The following STX6 variants were observed in gnomAD, a reference collection of about 807,000 sequenced individuals.
The protein encoded by STX6 is syntaxin-6.
Under a neutral mutation model 38.0 loss-of-function variants are expected in STX6, and 23 were observed. The ratio of observed to expected loss-of-function variants is 0.60; its 90% CI spans 0.43 to 0.86. STX6 has a LOEUF of 0.86. STX6 is among the 40% of genes least tolerant of loss of function. The pLI is 0.00. For missense variants in STX6, 274 were observed against 312.9 expected, an observed-to-expected ratio of 0.88 and a Z score of 0.94; for synonymous variants, 123 against 107.5, an observed-to-expected ratio of 1.14 and a Z score of -0.89.
chr1:181,004,275 T>G (rs1405510729), intron 2 of STX6, among the ~76,000 whole-genome samples: 1 of 152,204 alleles, frequency 6.6e-6, no homozygotes, highest in African/African-American at 2.4e-5. Context: ...AGCTCCTTGA[T>G]CCCTTGGAAT....
intron 7 of STX6, among the ~76,000 whole-genome samples, chr1:180,980,028 G>A (rs112043410): frequency 1.3e-3 from 196 of 152,220 alleles, no homozygotes; most frequent in Admixed American, 4.3e-3. Flanking sequence ...CCAACATGGT[G>A]AAACCCTGTC....
chr1:180,993,552 C>G (rs1655816613), intron 3 of STX6, 127 bp from the exon 4 acceptor site: 1 of 502,922 alleles, frequency 2.0e-6, no homozygotes, highest in African/African-American at 2.0e-5. Flanking sequence ...CATTTCTTGG[C>G]TTTATTTTCA....
intron 1 of STX6, 49 bp from the exon 2 acceptor site, chr1:181,005,512 G>A: frequency 6.3e-7 from 1 of 1,575,670 alleles, no homozygotes; most frequent in East Asian, 2.3e-5. Flanking sequence ...AACATTCCAT[G>A]GTCAAGTTAC....
chr1:181,002,385 C>CACCT (rs1417134604), intron 3 of STX6, among the ~76,000 whole-genome samples: 1 of 151,920 alleles, frequency 6.6e-6, no homozygotes, highest in Non-Finnish European at 1.5e-5. Flanking sequence ...AACCCCTGGG[C>CACCT]TCAAGTGATC....
chr1:180,974,484 T>C lies in STX6; in HGVS notation c.*2086A>G, dbSNP rs1655197636. 1.3e-5 allele frequency: 2 copies of C among 152,686 alleles called. No individual in the cohort carries two copies. Among genetic ancestry groups the C allele is most frequent in the Non-Finnish European group, 2.9e-5 (2 of 68,054 alleles). 9.5% of individuals were successfully genotyped at this position (152,686 alleles called of 1,614,324 possible). ...CAGGAGTATCTTACTCATTAATGAC[T>C]AGGTTTGTTCCAAACGGCCCCTGCT... On this transcript the variant is annotated 3_prime_UTR_variant, in exon 8 of 8. Transcript: ENST00000258301.
At chr1:181,011,450 A>C (rs1281611396) in intron 1 of STX6, among the ~76,000 whole-genome samples, 1 of 152,236 alleles carries the variant, frequency 6.6e-6, no homozygotes, top group Non-Finnish European at 1.5e-5. Context: ...TCTTATTTGG[A>C]AGCCAACTAT....
rs34962747 is a variant in STX6 at position 181,018,388 on chromosome 1, C to CAA, written c.35+4249_35+4250dup. ...TGGGCGACAGAGTAAGACTCTGTCCCAAAAAAAAAAAAAAAAAAAAAAAAA... is the reference window on the plus strand; with the variant it reads ...TGGGCGACAGAGTAAGACTCTGTCCCAAAAAAAAAAAAAAAAAAAAAAAAAAA... On this transcript the variant is annotated intron_variant, in intron 1 of 7. Coordinates refer to ENST00000258301, the MANE Select transcript of STX6 (RefSeq NM_005819.6). Among the ~76,000 whole-genome samples the CAA allele has an allele frequency of 4.3e-3, 183 of 43,050 alleles. 11 individuals are homozygous for CAA. The highest frequency in any genetic ancestry group is 0.013 in the African/African-American group (147 of 11,222). The allele number at this position is 43,050 out of a possible 152,430, so 28.2% of individuals were successfully genotyped here. A position where few individuals can be genotyped will look rare whatever the true frequency, so the allele number is the denominator to read the frequency against.
chr1:180,979,263 C>G (rs1282979824), intron 7 of STX6, among the ~76,000 whole-genome samples: 1 of 151,964 alleles, frequency 6.6e-6, no homozygotes, highest in Non-Finnish European at 1.5e-5. Context: ...TGAAAAAAAA[C>G]CTGGCACAGA....
chr1:181,022,556 C>G (rs1361033225), intron 1 of STX6, 83 bp downstream of exon 1: 1 of 1,436,134 alleles, frequency 7.0e-7, no homozygotes, highest in African/African-American at 1.4e-5. Flanking sequence ...GCCTCCCCTC[C>G]CCCCACTGCG....
chr1:180,986,835 C>T (rs1457606536), intron 6 of STX6, among the ~76,000 whole-genome samples: 1 of 152,212 alleles, frequency 6.6e-6, no homozygotes, highest in African/African-American at 2.4e-5. Context: ...CTATTACCCA[C>T]TGCCCAGCCA....
At chr1:181,019,356 A>G (rs1031141032) in intron 1 of STX6, among the ~76,000 whole-genome samples, 1 of 151,728 alleles carries the variant, frequency 6.6e-6, no homozygotes, top group African/African-American at 2.4e-5. Flanking sequence ...TACAGAGGAA[A>G]AAAAAAAAAA....
intron 3 of STX6, among the ~76,000 whole-genome samples, chr1:181,000,942 A>C (rs1656064281): frequency 6.6e-6 from 1 of 151,898 alleles, no homozygotes; most frequent in Admixed American, 6.6e-5. Flanking sequence ...AAAATATGTC[A>C]CCTAACAACA....
At chr1:181,017,981 C>G (rs868263027) in intron 1 of STX6, among the ~76,000 whole-genome samples, 1 of 152,132 alleles carries the variant, frequency 6.6e-6, no homozygotes, top group African/African-American at 2.4e-5. Context: ...GTAGTGTGAT[C>G]ATAAATATAA....
At chr1:180,995,914 G>T (rs886949241) in intron 3 of STX6, among the ~76,000 whole-genome samples, 1 of 152,144 alleles carries the variant, frequency 6.6e-6, no homozygotes, top group African/African-American at 2.4e-5. Flanking sequence ...GGGGGTGCTG[G>T]TAACACCCTG....
At chr1:181,018,561 T>C (rs2102336032) in intron 1 of STX6, among the ~76,000 whole-genome samples, 1 of 151,932 alleles carries the variant, frequency 6.6e-6, no homozygotes, top group South Asian at 2.1e-4. Flanking sequence ...TTTTACTAAG[T>C]TTCATTTTCC....
intron 3 of STX6, among the ~76,000 whole-genome samples, chr1:181,000,472 C>A (rs1656048706): frequency 6.6e-6 from 1 of 152,124 alleles, no homozygotes; most frequent in Admixed American, 6.5e-5. Context: ...AAACCATCAG[C>A]TATCATGAGA....
At chr1:180,989,853 AC>A in intron 5 of STX6, 130 bp downstream of exon 5, 1 of 1,110,142 alleles carries the variant, frequency 9.0e-7, no homozygotes, top group Non-Finnish European at 1.3e-6. Flanking sequence ...ATTATTAAAC[AC>A]AATCAACACA....
chr1:180,989,932 G>C, intron 5 of STX6, 52 bp downstream of exon 5: 2 of 1,606,916 alleles, frequency 1.2e-6, no homozygotes, highest in Non-Finnish European at 1.7e-6. Context: ...AGGAACTAAG[G>C]GGGTGTCTTG....
At chr1:181,001,056 C>T (rs960929338) in intron 3 of STX6, among the ~76,000 whole-genome samples, 1 of 152,090 alleles carries the variant, frequency 6.6e-6, no homozygotes, top group Admixed American at 6.6e-5. Flanking sequence ...AAGGTTTCTC[C>T]CTCATTAAAA....
Sources: allele counts gnomAD v4.1 joint callset (sites outside exome capture counted in the v4.1 genomes callset), GRCh38; gene constraint gnomAD v4.1.1; transcripts MANE v1.5; gene names NCBI Gene and HGNC (gene_info 2026-07-23, HGNC 2026-07-21).